The following ZFR2 variants were observed in gnomAD, a reference collection of about 807,000 sequenced individuals.
ZFR2 encodes the protein zinc finger RNA-binding protein 2.
ZFR2 carries 104 observed loss-of-function variants against 105.7 expected under a neutral mutation model. The observed-to-expected ratio is 0.98, with a 90% CI of 0.84 to 1.16. The LOEUF (loss-of-function observed/expected upper bound fraction) is 1.16, where lower values mean the gene tolerates loss of function less well. ZFR2 is among the 50% of genes most tolerant of loss of function. ZFR2 has a pLI of 0.00. For synonymous variants in ZFR2, 634 were observed against 597.7 expected (o/e 1.06, Z -0.89); for missense variants, 1,425 against 1,355.5 (o/e 1.05, Z -0.80).
Position 3,804,179 on chromosome 19 carries a change from C to CA in ZFR2, c.*1769dup, listed in dbSNP as rs2037674293. The stretch of plus-strand genomic sequence containing the variant: ...CATCTGCCCAAAGGTGGACTTTTCT[C>CA]ATTCAATGCCACTGGGCAGCTGGCC... On this transcript the variant is annotated 3_prime_UTR_variant, in exon 19 of 19. Coordinates refer to ENST00000262961, the MANE Select transcript of ZFR2 (RefSeq NM_015174.2). 1 of 152,264 alleles carries CA rather than the reference C, an allele frequency of 6.6e-6. No individual in the cohort carries two copies. Among genetic ancestry groups the CA allele is most frequent in the Non-Finnish European group, 1.5e-5 (1 of 68,092 alleles). The allele number at this position is 152,264 out of a possible 1,614,324, so 9.4% of individuals were successfully genotyped here.
rs1309897313 is a variant in ZFR2, at chr19:3,807,337, G to A, written c.2546-68C>T. 1.3e-5 allele frequency: 16 copies of A among 1,217,320 alleles called. 1 individual carries two copies. In the South Asian group the frequency reaches 1.4e-4, roughly 11 times the overall value. The allele number at this position is 1,217,320 out of a possible 1,614,324, so 75.4% of individuals were successfully genotyped here. A position where few individuals can be genotyped will look rare whatever the true frequency, so the allele number is the denominator to read the frequency against. ...CCTCGTGAAAGACGGTGACAGGGCC[G>A]TCCCTCGACACCGTGGGGCCTCAGG... On this transcript the variant is annotated intron_variant, in intron 17 of 18. Coordinates refer to ENST00000262961, the MANE Select transcript of ZFR2 (RefSeq NM_015174.2).
intron 9 of ZFR2, 33 bp from the exon 10 acceptor site, chr19:3,821,512 G>T: frequency 6.5e-7 from 1 of 1,543,772 alleles, no homozygotes; most frequent in South Asian, 1.2e-5. Context: ...TGAGAGTAGG[G>T]ACCTTGCTTT....
At chr19:3,839,287 C>T (rs1222720691) in intron 1 of ZFR2, among the ~76,000 whole-genome samples, 1 of 152,012 alleles carries the variant, frequency 6.6e-6, no homozygotes, top group Non-Finnish European at 1.5e-5. Context: ...CATCCCAGTA[C>T]TTTGGGAGGC....
Position 3,812,596 on chromosome 19 carries a change from G to A in ZFR2, c.2242+1224C>T, listed in dbSNP as rs112011779. 7.2e-3 allele frequency among the ~76,000 whole-genome samples: 1,086 copies of A among 151,832 alleles called. 10 individuals carry two copies. Among genetic ancestry groups the A allele is most frequent in the Non-Finnish European group, 0.012 (803 of 67,942 alleles). Reference sequence around the variant, plus strand: ...TCTAGTGGCCGCCAACCCTTAACCCGCCCCCACAACCGCGCCACTCCCCAG... The same window carrying A: ...TCTAGTGGCCGCCAACCCTTAACCCACCCCCACAACCGCGCCACTCCCCAG... On this transcript the variant is annotated intron_variant, in intron 14 of 18. Coordinates refer to ENST00000262961, the MANE Select transcript of ZFR2 (RefSeq NM_015174.2).
At chr19:3,850,954 A>G (rs546951339) in intron 1 of ZFR2, among the ~76,000 whole-genome samples, 1 of 151,764 alleles carries the variant, frequency 6.6e-6, no homozygotes, top group East Asian at 1.9e-4. Flanking sequence ...GGACAGAGAA[A>G]AAGCCACAGG....
At position 3,825,283 on chromosome 19, in the gene ZFR2, G is replaced by A. The variant is rs1388127038; in HGVS notation, c.1160C>T (p.Ser387Leu). The A allele has an allele frequency of 4.4e-6, 7 of 1,575,672 alleles. No homozygotes were observed. The African/African-American group carries it at 6.8e-5, about 15-fold the overall frequency. ...TSPTGPSVCA[S>L]SRPALAKRPV... is the part of the protein sequence containing the mutation. ...TCTCTTGGCCAGCGCTGGCCTGCTCGAGGCACACACGCTGGGGCCAGTGGG... is the reference window on the plus strand; with the variant it reads ...TCTCTTGGCCAGCGCTGGCCTGCTCAAGGCACACACGCTGGGGCCAGTGGG... Residue 387 changes from serine to leucine, a missense_variant, in exon 7 of 19, where the codon TCG becomes TTG. Physicochemically the swap from Ser to Leu is moderately radical, Grantham distance 145. Coordinates refer to ENST00000262961, the MANE Select transcript of ZFR2 (RefSeq NM_015174.2).
rs2037687685 is a variant in ZFR2 at position 3,805,674 on chromosome 19, T to C, written c.*275A>G. Reference sequence around the variant, plus strand: ...CCACCAACCATGCCAAGCTGATTTTTAAAAATATTTTGGAGAGATGGGGGT... The same window carrying C: ...CCACCAACCATGCCAAGCTGATTTTCAAAAATATTTTGGAGAGATGGGGGT... On this transcript the variant is annotated 3_prime_UTR_variant, in exon 19 of 19. Coordinates refer to ENST00000262961, the MANE Select transcript of ZFR2 (RefSeq NM_015174.2). 3 of 374,154 alleles carry C rather than the reference T, an allele frequency of 8.0e-6. No homozygotes were observed. The highest frequency in any genetic ancestry group is 1.4e-5 in the Non-Finnish European group (3 of 210,196). 23.2% of individuals were successfully genotyped at this position (374,154 alleles called of 1,614,324 possible). A position where few individuals can be genotyped will look rare whatever the true frequency, so the allele number is the denominator to read the frequency against.
chr19:3,826,972 T>G (rs2037957550), intron 6 of ZFR2, among the ~76,000 whole-genome samples: 4 of 151,836 alleles, frequency 2.6e-5, no homozygotes, highest in Admixed American at 2.6e-4. Context: ...CCCCGCACGG[T>G]GGCTCACGCC....
chr19:3,812,509 C>G (rs2145135456), intron 14 of ZFR2, among the ~76,000 whole-genome samples: 1 of 152,196 alleles, frequency 6.6e-6, no homozygotes, highest in African/African-American at 2.4e-5. Flanking sequence ...TGTCACTGAT[C>G]TGTCCTCACA....
At chr19:3,831,138 C>A (rs1437622157) in intron 5 of ZFR2, among the ~76,000 whole-genome samples, 165 bp downstream of exon 5, 1 of 152,220 alleles carries the variant, frequency 6.6e-6, no homozygotes, top group Non-Finnish European at 1.5e-5. Flanking sequence ...TGCACACACA[C>A]ACAAGCGCTT....
intron 1 of ZFR2, among the ~76,000 whole-genome samples, chr19:3,862,907 G>A (rs1318457600): frequency 1.3e-5 from 2 of 152,218 alleles, no homozygotes; most frequent in South Asian, 2.1e-4. Context: ...AAGAATGGGT[G>A]CAGCAGAGGC....
At chr19:3,824,099 C>T (rs1475379376) in intron 7 of ZFR2, among the ~76,000 whole-genome samples, 1 of 152,106 alleles carries the variant, frequency 6.6e-6, no homozygotes, top group Non-Finnish European at 1.5e-5. Context: ...GAGTTTCCGA[C>T]CAGCCCCAGC....
intron 1 of ZFR2, among the ~76,000 whole-genome samples, chr19:3,862,068 G>A (rs1568435070): frequency 2.6e-5 from 4 of 152,190 alleles, no homozygotes; most frequent in Admixed American, 1.3e-4. Flanking sequence ...CCCCAGGAAA[G>A]AACACCAATA....
intron 9 of ZFR2, 125 bp from the exon 10 acceptor site, chr19:3,821,604 CTTTTTTT>C (rs56275505): frequency 0.41 from 101,280 of 247,048 alleles, 8,778 homozygotes; most frequent in Admixed American, 0.46. Context: ...CTCCCAAAGC[CTTTTTTT>C]TTTTTTTTTT....
chr19:3,845,220 T>C (rs748826370), intron 1 of ZFR2, among the ~76,000 whole-genome samples: 1 of 152,180 alleles, frequency 6.6e-6, no homozygotes, highest in East Asian at 1.9e-4. Context: ...TTAAGTTTAA[T>C]TCATTTCAAC....
intron 18 of ZFR2, among the ~76,000 whole-genome samples, chr19:3,806,769 G>A (rs973927248): frequency 3.9e-5 from 6 of 152,340 alleles, no homozygotes; most frequent in East Asian, 1.9e-4. Context: ...CGTCAGACCC[G>A]ATGCGGTTTG....
chr19:3,850,287 G>A (rs2038224384), intron 1 of ZFR2, among the ~76,000 whole-genome samples: 3 of 152,066 alleles, frequency 2.0e-5, no homozygotes, highest in South Asian at 4.2e-4. Context: ...AATGAGGAGT[G>A]CTGGTGGGGC....
intron 17 of ZFR2, 21 bp downstream of exon 17, chr19:3,808,851 C>A (rs1179283119): frequency 1.5e-5 from 23 of 1,530,632 alleles, no homozygotes; most frequent in Non-Finnish European, 2.0e-5. Flanking sequence ...ACCTCCTGGG[C>A]CCTCCGGCCC....
intron 1 of ZFR2, chr19:3,852,581 T>C: frequency 2.8e-6 from 2 of 718,592 alleles, no homozygotes; most frequent in Non-Finnish European, 5.2e-6. Context: ...GAAGCCCAGA[T>C]GCAAGGGCCG....
Sources: allele counts gnomAD v4.1 joint callset (sites outside exome capture counted in the v4.1 genomes callset), GRCh38; gene constraint gnomAD v4.1.1; transcripts MANE v1.5; gene names NCBI Gene and HGNC (gene_info 2026-07-23, HGNC 2026-07-21).